The following CYRIB variants were observed in gnomAD, a reference collection of about 807,000 sequenced individuals.
The protein encoded by CYRIB is CYFIP-related Rac1 interactor B.
Under a neutral mutation model 44.2 loss-of-function variants are expected in CYRIB, and 8 were observed. The ratio of observed to expected loss-of-function variants is 0.18; its 90% CI spans 0.11 to 0.33. The LOEUF (loss-of-function observed/expected upper bound fraction) is 0.33. CYRIB is among the 10% of genes least tolerant of loss of function. The pLI is 1.00. For synonymous variants in CYRIB, 131 were observed against 127.2 expected (o/e 1.03, Z -0.20); for missense variants, 185 against 382.8 (o/e 0.48, Z 4.31).
chr8:130,015,628 C>T (rs1284836728), intron 1 of CYRIB, among the ~76,000 whole-genome samples: 1 of 152,206 alleles, frequency 6.6e-6, no homozygotes, highest in Non-Finnish European at 1.5e-5. Context: ...GACCTCGATT[C>T]CTCCTTCGTT....
chr8:129,942,649 C>CA (rs566249516), upstream of CYRIB, among the ~76,000 whole-genome samples: 155 of 149,454 alleles, frequency 1.0e-3, no homozygotes, highest in South Asian at 0.01. Context: ...CAAAAGGATG[C>CA]AAAAAAAAAG....
At chr8:129,863,169 G>T (rs535826199) in intron 4 of CYRIB, among the ~76,000 whole-genome samples, 60 of 152,168 alleles carry the variant, frequency 3.9e-4, no homozygotes, top group African/African-American at 1.4e-3. Context: ...AAATTCCAGG[G>T]TCTAAACTAG....
intron 2 of CYRIB, among the ~76,000 whole-genome samples, chr8:129,963,197 T>C (rs964511257): frequency 1.3e-5 from 2 of 152,248 alleles, no homozygotes; most frequent in Non-Finnish European, 2.9e-5. Context: ...TGAAAAACTG[T>C]GTAAGCCTTG....
At chr8:129,928,934 T>C (rs550140502) in intron 1 of CYRIB, among the ~76,000 whole-genome samples, 1 of 152,290 alleles carries the variant, frequency 6.6e-6, no homozygotes, top group South Asian at 2.1e-4. Flanking sequence ...ATAATTCTAT[T>C]CCTAGGCATC....
At chr8:129,860,380 G>C (rs1465661201) in intron 5 of CYRIB, among the ~76,000 whole-genome samples, 1 of 152,130 alleles carries the variant, frequency 6.6e-6, no homozygotes, top group Non-Finnish European at 1.5e-5. Context: ...GTATATAGTA[G>C]AGAAGACAAC....
At chr8:129,905,679 A>C (rs1334217771) in intron 1 of CYRIB, among the ~76,000 whole-genome samples, 1 of 152,170 alleles carries the variant, frequency 6.6e-6, no homozygotes, top group Non-Finnish European at 1.5e-5. Context: ...GGCTCCCAGA[A>C]ATAAACAAAA....
rs377493211 is a variant in CYRIB, at chr8:130,005,342, A to G, written c.-296+11028T>C. On this transcript the variant is annotated intron_variant, in intron 1 of 14. Coordinates refer to the CYRIB transcript ENST00000401979. ...CTAGGGCAGGGCCTTGTGGCTTCACAACCCGCCTCCCAGGGACAGGCTATC... is the reference window on the plus strand; with the variant it reads ...CTAGGGCAGGGCCTTGTGGCTTCACGACCCGCCTCCCAGGGACAGGCTATC... Among the ~76,000 whole-genome samples the G allele has an allele frequency of 9.2e-5, 14 of 152,282 alleles. No homozygotes were observed. In the East Asian group the frequency reaches 9.7e-4, roughly 11 times the overall value.
At chr8:129,897,744 G>C (rs922914433) in intron 2 of CYRIB, among the ~76,000 whole-genome samples, 2 of 151,380 alleles carry the variant, frequency 1.3e-5, no homozygotes, top group Admixed American at 6.6e-5. Context: ...AGACCAGCCT[G>C]GGCAACATAG....
At chr8:129,942,451 C>G (rs1337080161), upstream of CYRIB, among the ~76,000 whole-genome samples, 1 of 152,206 alleles carries the variant, frequency 6.6e-6, no homozygotes, top group African/African-American at 2.4e-5. Context: ...TGTACAAGAA[C>G]TCACAAGTAA....
chr8:129,852,157 CT>C lies in CYRIB; in HGVS notation c.633+4del. 1 of 1,528,106 alleles carries C rather than the reference CT, an allele frequency of 6.5e-7. No individual in the cohort carries two copies. Among genetic ancestry groups the C allele is most frequent in the Non-Finnish European group, 8.8e-7 (1 of 1,131,700 alleles). 94.7% of individuals were successfully genotyped at this position (1,528,106 alleles called of 1,614,324 possible). A position where few individuals can be genotyped will look rare whatever the true frequency, so the allele number is the denominator to read the frequency against. ...ACACAGAGTACCTGCCTAGGCAATG[CT>C]TACCTCTGATACAAATTTTGTTGTG... is the stretch of plus-strand genomic sequence containing the variant. On this transcript the variant is annotated splice_donor_region_variant and intron_variant, in intron 8 of 11. Transcript: ENST00000519824.
At chr8:129,883,966 G>A (rs981040859) in intron 2 of CYRIB, among the ~76,000 whole-genome samples, 38 of 152,206 alleles carry the variant, frequency 2.5e-4, no homozygotes, top group African/African-American at 9.2e-4. Flanking sequence ...CAGAACTTAT[G>A]GAATGTGAGG....
exon 12 of CYRIB, chr8:129,839,773 G>A (rs1484647110): frequency 1.3e-5 from 2 of 152,154 alleles, no homozygotes; most frequent in Non-Finnish European, 2.9e-5. Context: ...GCTAGCCCCT[G>A]GGCTTAAGAG....
At chr8:129,905,599 G>A (rs1409369156) in intron 1 of CYRIB, among the ~76,000 whole-genome samples, 2 of 152,124 alleles carry the variant, frequency 1.3e-5, no homozygotes, top group East Asian at 1.9e-4. Context: ...ATTACTAGAA[G>A]TGAAATGAAT....
At position 129,935,635 on chromosome 8, in the gene CYRIB, C is replaced by T. The variant is rs76784518; in HGVS notation, c.-50+3973G>A. On this transcript the variant is annotated intron_variant, in intron 1 of 11. Transcript: ENST00000519824. ...CACAGTAGAAAGGGTCTGTATCAAT[C>T]TAGAATTTAATATATATCATACATA... is the stretch of plus-strand genomic sequence containing the variant. Among the ~76,000 whole-genome samples the T allele has an allele frequency of 4.8e-3, 724 of 152,256 alleles. 5 individuals are homozygous for T. The highest frequency in any genetic ancestry group is 0.017 in the African/African-American group (689 of 41,546).
At chr8:129,839,972 G>T (rs2130730813) in exon 12 of CYRIB, 1 of 152,414 alleles carries the variant, frequency 6.6e-6, no homozygotes, top group South Asian at 2.1e-4. Context: ...GACACTGAAG[G>T]AAAATCAGAC....
intron 4 of CYRIB, among the ~76,000 whole-genome samples, chr8:129,866,447 T>G (rs563975290): frequency 9.1e-4 from 139 of 152,186 alleles, no homozygotes; most frequent in African/African-American, 3.3e-3. Flanking sequence ...CCAGGGAATA[T>G]TCATAGAAAG....
At chr8:129,878,559 C>T (rs1351384551) in intron 3 of CYRIB, among the ~76,000 whole-genome samples, 1 of 152,070 alleles carries the variant, frequency 6.6e-6, no homozygotes, top group Non-Finnish European at 1.5e-5. Flanking sequence ...TCACCCTTTC[C>T]TAACAATTTT....
chr8:129,958,234 A>C (rs142389501), intron 2 of CYRIB, among the ~76,000 whole-genome samples: 1 of 152,080 alleles, frequency 6.6e-6, no homozygotes, highest in East Asian at 1.9e-4. Flanking sequence ...AGGTTGGGGG[A>C]CCTATGAAGA....
upstream of CYRIB, among the ~76,000 whole-genome samples, chr8:129,943,320 C>G (rs547116230): frequency 6.6e-6 from 1 of 151,944 alleles, no homozygotes; most frequent in Middle Eastern, 3.2e-3. Flanking sequence ...GGTGCAGTGG[C>G]TCACACCTAT....
Sources: gnomAD v4.1 joint callset for allele counts (sites outside exome capture counted in the v4.1 genomes callset) on GRCh38, gnomAD v4.1.1 for gene constraint, MANE v1.5 for transcripts, NCBI Gene and HGNC (gene_info 2026-07-23, HGNC 2026-07-21) for gene names.